The following KIF6 variants were observed in gnomAD, a reference collection of about 807,000 sequenced individuals.
KIF6 encodes kinesin-like protein KIF6.
Under a neutral mutation model 112.7 loss-of-function variants are expected in KIF6, and 106 were observed. That is an observed-to-expected ratio of 0.94 (90% CI 0.80 to 1.11). KIF6 has a LOEUF of 1.11. Among genes scored for constraint, KIF6 ranks in the 50% least tolerant of loss-of-function variants. The probability of loss-of-function intolerance (pLI) is 0.00; values close to 1 mark genes in which losing one functional copy is unlikely to be tolerated. For synonymous variants in KIF6, 339 were observed against 339.9 expected, an observed-to-expected ratio of 1.00 and a Z score of 0.03; for missense variants, 929 against 964.0, an observed-to-expected ratio of 0.96 and a Z score of 0.48.
chr6:39,413,508 A>G (rs577246286), intron 15 of KIF6, among the ~76,000 whole-genome samples: 2 of 152,274 alleles, frequency 1.3e-5, no homozygotes, highest in Non-Finnish European at 1.5e-5. Flanking sequence ...CCCTGGCTAT[A>G]GGGATTGGTT....
At chr6:39,550,837 G>A (rs1276290755) in intron 10 of KIF6, among the ~76,000 whole-genome samples, 2 of 152,126 alleles carry the variant, frequency 1.3e-5, no homozygotes, top group African/African-American at 2.4e-5. Flanking sequence ...TTAAACATGG[G>A]GATACTGACA....
At chr6:39,501,598 G>A (rs1156452495) in intron 13 of KIF6, among the ~76,000 whole-genome samples, 1 of 152,122 alleles carries the variant, frequency 6.6e-6, no homozygotes, top group East Asian at 1.9e-4. Flanking sequence ...TAATACAGGA[G>A]CTGACAGCCA....
At chr6:39,583,185 T>C (rs1274535129) in intron 9 of KIF6, 2 of 277,454 alleles carry the variant, frequency 7.2e-6, no homozygotes, top group Non-Finnish European at 1.5e-5. Context: ...CAATGTCTAA[T>C]ATGTTTATTT....
intron 7 of KIF6, among the ~76,000 whole-genome samples, chr6:39,587,150 G>A (rs1781682562): frequency 6.6e-6 from 1 of 152,156 alleles, no homozygotes; most frequent in African/African-American, 2.4e-5. Context: ...ATGGAGCAAA[G>A]GCTGCTGGGG....
chr6:39,446,675 A>G (rs1422235686), intron 13 of KIF6, among the ~76,000 whole-genome samples: 1 of 152,106 alleles, frequency 6.6e-6, no homozygotes, highest in South Asian at 2.1e-4. Flanking sequence ...TTTTTAGTAG[A>G]GACGGGGTTT....
intron 13 of KIF6, among the ~76,000 whole-genome samples, chr6:39,505,178 A>G (rs1311862700): frequency 1.3e-5 from 2 of 152,136 alleles, no homozygotes; most frequent in Non-Finnish European, 2.9e-5. Context: ...CAGAATAGAG[A>G]ACCCAGAAAT....
chr6:39,653,285 GGGT>G, intron 3 of KIF6, among the ~76,000 whole-genome samples: 1 of 152,044 alleles, frequency 6.6e-6, no homozygotes. Context: ...TATCTAGGAT[GGGT>G]AAAAACAGGA....
intron 13 of KIF6, among the ~76,000 whole-genome samples, chr6:39,462,340 C>A (rs1489428937): frequency 6.6e-6 from 1 of 152,176 alleles, no homozygotes; most frequent in Non-Finnish European, 1.5e-5. Context: ...CATCTTATCA[C>A]CATGAGGCAA....
chr6:39,507,007 TA>T (rs1776460639), intron 13 of KIF6, among the ~76,000 whole-genome samples: 1 of 152,182 alleles, frequency 6.6e-6, no homozygotes, highest in South Asian at 2.1e-4. Context: ...ATCTTTATAA[TA>T]AACCATTAAA....
At position 39,557,209 on chromosome 6, in the gene KIF6, A is replaced by ATCC. The variant is rs1477780721; in HGVS notation, c.1182-11522_1182-11521insGGA. Among the ~76,000 whole-genome samples the ATCC allele has an allele frequency of 8.3e-4, 126 of 152,288 alleles. No individual in the cohort carries two copies. In the Middle Eastern group the frequency reaches 0.014, roughly 17 times the overall value. ...CTTGTGGGTGTGTTTCCATTTGATA[A>ATCC]AAAATAATGTATTTTATCCTTTCAT... On this transcript the variant is annotated intron_variant, in intron 10 of 22. Transcript: ENST00000287152.
intron 4 of KIF6, among the ~76,000 whole-genome samples, chr6:39,636,165 G>C (rs1784615043): frequency 6.6e-6 from 1 of 152,000 alleles, no homozygotes; most frequent in African/African-American, 2.4e-5. Context: ...GAGGAAGTTG[G>C]CTAATAAATC....
At position 39,647,926 on chromosome 6, in the gene KIF6, G is replaced by T. The variant is rs372174824; in HGVS notation, c.252-8169C>A. Reference sequence around the variant, plus strand: ...GGGTTTCACCATGTTGGCCAGGCTGGTCTTGAACTCCTGAACTCAGGTGAT... The same window carrying T: ...GGGTTTCACCATGTTGGCCAGGCTGTTCTTGAACTCCTGAACTCAGGTGAT... On this transcript the variant is annotated intron_variant, in intron 3 of 22. Transcript: ENST00000287152. 7.9e-5 allele frequency among the ~76,000 whole-genome samples: 12 copies of T among 151,996 alleles called. No homozygotes were observed. In the East Asian group the frequency reaches 2.1e-3, roughly 27 times the overall value.
intron 6 of KIF6, among the ~76,000 whole-genome samples, chr6:39,605,076 C>T (rs1324929079): frequency 1.3e-5 from 2 of 152,082 alleles, no homozygotes; most frequent in Non-Finnish European, 2.9e-5. Context: ...GAACTACATT[C>T]AATTATCATT....
chr6:39,463,390 AT>A, intron 13 of KIF6, among the ~76,000 whole-genome samples: 1 of 152,092 alleles, frequency 6.6e-6, no homozygotes, highest in Non-Finnish European at 1.5e-5. Context: ...AAAACATGTT[AT>A]TTTTTCAGAT....
intron 19 of KIF6, among the ~76,000 whole-genome samples, chr6:39,346,788 C>T (rs1230555200): frequency 1.3e-5 from 2 of 152,186 alleles, no homozygotes; most frequent in East Asian, 3.9e-4. Context: ...GCTGGGATTA[C>T]AAGCATGCAT....
intron 3 of KIF6, among the ~76,000 whole-genome samples, chr6:39,708,056 G>A (rs778953817): frequency 2.0e-5 from 3 of 152,098 alleles, no homozygotes; most frequent in East Asian, 1.9e-4. Flanking sequence ...TCCTTGTCTT[G>A]AAAGAGCAGG....
intron 3 of KIF6, among the ~76,000 whole-genome samples, chr6:39,656,931 C>T (rs1247113721): frequency 1.3e-5 from 2 of 152,074 alleles, no homozygotes; most frequent in African/African-American, 4.8e-5. Flanking sequence ...CTATTTGACT[C>T]ATAAGATTGT....
intron 3 of KIF6, among the ~76,000 whole-genome samples, chr6:39,666,006 A>T (rs2150821213): frequency 6.6e-6 from 1 of 152,338 alleles, no homozygotes; most frequent in East Asian, 1.9e-4. Flanking sequence ...TTTTCAAATC[A>T]GTTACTTCAC....
intron 13 of KIF6, among the ~76,000 whole-genome samples, chr6:39,463,329 C>T (rs77383239): frequency 0.011 from 1,695 of 152,232 alleles, 40 homozygotes; most frequent in African/African-American, 0.039. Flanking sequence ...CCTCCAGCCT[C>T]ATCAATCCCA....
Sources: allele counts gnomAD v4.1 joint callset (sites outside exome capture counted in the v4.1 genomes callset), GRCh38; gene constraint gnomAD v4.1.1; transcripts MANE v1.5; gene names NCBI Gene and HGNC (gene_info 2026-07-23, HGNC 2026-07-21).